Variants in IKZF3 observed in about 807,000 individuals in gnomAD.
The protein encoded by IKZF3 is IKAROS family zinc finger 3, also known as zinc finger protein Aiolos.
A neutral mutation model predicts 49.0 loss-of-function variants in IKZF3; 10 were observed. That is an observed-to-expected ratio of 0.20 (90% confidence interval 0.13 to 0.35). IKZF3 has a LOEUF of 0.35. Ranked by LOEUF, IKZF3 falls within the 10% of genes least tolerant of loss-of-function variation. IKZF3 has a pLI of 1.00. For synonymous variants in IKZF3, 209 were observed against 228.2 expected (o/e 0.92, Z 0.76); for missense variants, 498 against 664.8 (o/e 0.75, Z 2.76).
At chr17:39,808,615 C>T (rs1020610014) in intron 3 of IKZF3, among the ~76,000 whole-genome samples, 1 of 152,194 alleles carries the variant, frequency 6.6e-6, no homozygotes, top group African/African-American at 2.4e-5. Context: ...TATCTCTGGA[C>T]TGCAAAGCAG....
At chr17:39,843,001 T>G (rs1187595437) in intron 1 of IKZF3, among the ~76,000 whole-genome samples, 1 of 151,896 alleles carries the variant, frequency 6.6e-6, no homozygotes, top group Non-Finnish European at 1.5e-5. Context: ...ACAACCAAAC[T>G]CGAATTTGCA....
chr17:39,816,194 T>C (rs1182415633), intron 3 of IKZF3, among the ~76,000 whole-genome samples: 1 of 152,160 alleles, frequency 6.6e-6, no homozygotes, highest in Non-Finnish European at 1.5e-5. Context: ...TGGTTTTATT[T>C]ATGTCTAATT....
At chr17:39,796,715 AT>A (rs1203326069) in intron 3 of IKZF3, among the ~76,000 whole-genome samples, 68 of 140,502 alleles carry the variant, frequency 4.8e-4, no homozygotes, top group Non-Finnish European at 5.0e-4. Context: ...TATTTTTTTA[AT>A]TTTTTTTTTT....
chr17:39,840,983 C>G (rs996773827), intron 1 of IKZF3, among the ~76,000 whole-genome samples: 1 of 152,076 alleles, frequency 6.6e-6, no homozygotes, highest in African/African-American at 2.4e-5. Flanking sequence ...TCAAGACCAG[C>G]CTGGGCAACA....
chr17:39,835,217 C>G, intron 1 of IKZF3: 1 of 522,804 alleles, frequency 1.9e-6, no homozygotes, highest in East Asian at 5.0e-5. Context: ...TCAGCTGGCT[C>G]TCCTTGCCCT....
intron 1 of IKZF3, among the ~76,000 whole-genome samples, chr17:39,852,846 CT>C (rs1457542497): frequency 6.6e-6 from 1 of 152,164 alleles, no homozygotes; most frequent in Non-Finnish European, 1.5e-5. Context: ...TGGTGCGTGC[CT>C]ATAATCTCAG....
chr17:39,816,687 G>A (rs532020622), intron 3 of IKZF3, among the ~76,000 whole-genome samples: 3 of 152,322 alleles, frequency 2.0e-5, no homozygotes, highest in South Asian at 4.1e-4. Flanking sequence ...ACAAGCAAGC[G>A]TATTTATGTT....
At chr17:39,822,021 T>C (rs1410243054) in intron 3 of IKZF3, among the ~76,000 whole-genome samples, 1 of 152,144 alleles carries the variant, frequency 6.6e-6, no homozygotes, top group East Asian at 1.9e-4. Context: ...CTACACATGA[T>C]CCAGACACAG....
intron 5 of IKZF3, among the ~76,000 whole-genome samples, chr17:39,788,773 G>C (rs1401570021): frequency 6.6e-6 from 1 of 152,202 alleles, no homozygotes; most frequent in Non-Finnish European, 1.5e-5. Context: ...CCATCTGGCT[G>C]TAAGTAAAGA....
intron 7 of IKZF3, among the ~76,000 whole-genome samples, chr17:39,770,768 T>G (rs145366473): frequency 1.3e-5 from 2 of 151,244 alleles, no homozygotes; most frequent in South Asian, 2.1e-4. Context: ...CTAGATACTT[T>G]GCATACTGTC....
intron 3 of IKZF3, 33 bp downstream of exon 3, chr17:39,829,354 G>T: frequency 1.4e-6 from 2 of 1,420,042 alleles, no homozygotes; most frequent in Non-Finnish European, 2.0e-6. Flanking sequence ...ATATCTACAG[G>T]CATCAGTGTT....
chr17:39,769,612 A>T (rs1393927362), intron 7 of IKZF3, among the ~76,000 whole-genome samples: 1 of 152,202 alleles, frequency 6.6e-6, no homozygotes, highest in Non-Finnish European at 1.5e-5. Flanking sequence ...TTCATTCCCT[A>T]GAATGTGACA....
chr17:39,802,905 G>A (rs150269210), intron 3 of IKZF3, among the ~76,000 whole-genome samples: 1 of 151,196 alleles, frequency 6.6e-6, no homozygotes, highest in African/African-American at 2.4e-5. Context: ...CATGTAAAAA[G>A]TTTCATTTGC....
chr17:39,791,596 C>T lies in IKZF3; in HGVS notation c.425-13G>A. 9.3e-6 allele frequency: 15 copies of T among 1,607,902 alleles called. No homozygotes were observed. The highest frequency in any genetic ancestry group is 1.3e-5 in the Non-Finnish European group (15 of 1,177,844). ...AATGGGCGTTCACCTTTAAAAAGGACAAAAAAGGAGATTTCTGGTCACAGG... is the reference window on the plus strand; with the variant it reads ...AATGGGCGTTCACCTTTAAAAAGGATAAAAAAGGAGATTTCTGGTCACAGG... On this transcript the variant is annotated splice_polypyrimidine_tract_variant and intron_variant, in intron 4 of 7. Coordinates refer to ENST00000346872, the MANE Select transcript of IKZF3 (RefSeq NM_012481.5).
intron 3 of IKZF3, among the ~76,000 whole-genome samples, chr17:39,826,340 G>T (rs1463464512): frequency 1.3e-5 from 2 of 152,214 alleles, no homozygotes; most frequent in East Asian, 3.8e-4. Context: ...ACCATGCCTG[G>T]CTGTGGATGG....
intron 1 of IKZF3, among the ~76,000 whole-genome samples, chr17:39,861,608 T>C (rs760221395): frequency 2.6e-5 from 4 of 152,144 alleles, no homozygotes; most frequent in Non-Finnish European, 4.4e-5. Flanking sequence ...ACAGATTCCA[T>C]CATCTACAGG....
At chr17:39,789,857 C>T (rs1456814459) in intron 5 of IKZF3, among the ~76,000 whole-genome samples, 1 of 147,714 alleles carries the variant, frequency 6.8e-6, no homozygotes, top group Non-Finnish European at 1.5e-5. Context: ...GCCAAGATCA[C>T]GCCACTGCAA....
Position 39,765,956 on chromosome 17 carries a change from T to A in IKZF3, c.1364A>T (p.Asp455Val). ...EGEVMDVYRC[D>V]HCRVLFLDYV... ...GTCCAGGAAGAGGACGCGGCAGTGG[T>A]CACACCGATACACATCCATCACCTC... Residue 455 changes from aspartate (D) to valine (V), a missense_variant, in exon 8 of 8, where the codon GAC becomes GTC. Physicochemically the swap from Asp to Val is radical, Grantham distance 152. Coordinates refer to ENST00000346872, the MANE Select transcript of IKZF3 (RefSeq NM_012481.5). 1.9e-6 allele frequency: 3 copies of A among 1,614,200 alleles called. No individual in the cohort carries two copies. In the South Asian group the frequency reaches 3.3e-5, roughly 18 times the overall value.
At chr17:39,817,344 CAGAAT>C (rs2061700219) in intron 3 of IKZF3, among the ~76,000 whole-genome samples, 1 of 152,186 alleles carries the variant, frequency 6.6e-6, no homozygotes, top group Non-Finnish European at 1.5e-5. Flanking sequence ...TAAACTTAAA[CAGAAT>C]AGAATTCTCT....
Sources: gnomAD v4.1 joint callset for allele counts (sites outside exome capture counted in the v4.1 genomes callset) on GRCh38, gnomAD v4.1.1 for gene constraint, MANE v1.5 for transcripts, NCBI Gene and HGNC (gene_info 2026-07-23, HGNC 2026-07-21) for gene names.